XRN2: variants seen among roughly 807,000 people sequenced by gnomAD.
The protein encoded by XRN2 is 5'-3' exoribonuclease 2.
Under a neutral mutation model 138.5 loss-of-function variants are expected in XRN2, and 44 were observed. The ratio of observed to expected loss-of-function variants is 0.32; its 90% CI spans 0.25 to 0.41. The LOEUF is 0.41. XRN2 is among the 10% of genes least tolerant of loss of function. XRN2 has a pLI of 1.00. For missense variants in XRN2, 937 were observed against 1,169.3 expected (o/e 0.80, Z 2.90); for synonymous variants, 354 against 369.4 (o/e 0.96, Z 0.48).
chr20:21,366,139 CATAT>C (rs1442070848), intron 26 of XRN2, among the ~76,000 whole-genome samples: 2 of 64,848 alleles, frequency 3.1e-5, no homozygotes, highest in Non-Finnish European at 5.2e-5. Context: ...ATATATATAA[CATAT>C]ATAAATATAT....
chr20:21,355,901 A>G (rs940868577), intron 21 of XRN2, among the ~76,000 whole-genome samples, 179 bp from the exon 22 acceptor site: 3 of 152,182 alleles, frequency 2.0e-5, no homozygotes, highest in Non-Finnish European at 4.4e-5. Context: ...ACTTCTCCAC[A>G]GTACTATCAA....
At chr20:21,366,087 TATA>T (rs2038695777) in intron 26 of XRN2, among the ~76,000 whole-genome samples, 1 of 115,402 alleles carries the variant, frequency 8.7e-6, no homozygotes, top group Non-Finnish European at 1.7e-5. Context: ...ATTTATAGTT[TATA>T]TATATAACAT....
At chr20:21,335,049 C>T (rs1052236675) in intron 13 of XRN2, among the ~76,000 whole-genome samples, 12 of 152,076 alleles carry the variant, frequency 7.9e-5, no homozygotes, top group African/African-American at 1.7e-4. Flanking sequence ...TAGGGAACCA[C>T]GGACATTTAA....
At chr20:21,309,964 C>G (rs74819409) in intron 1 of XRN2, among the ~76,000 whole-genome samples, 1 of 152,002 alleles carries the variant, frequency 6.6e-6, no homozygotes, top group Non-Finnish European at 1.5e-5. Context: ...TGATTCTGCT[C>G]TTATATGTAT....
chr20:21,350,276 C>T (rs530105972), intron 20 of XRN2, among the ~76,000 whole-genome samples: 3 of 152,048 alleles, frequency 2.0e-5, no homozygotes, highest in Non-Finnish European at 1.5e-5. Context: ...CCTGTAATCC[C>T]AGCAATTTGG....
At chr20:21,341,988 A>G (rs1388672083) in intron 15 of XRN2, among the ~76,000 whole-genome samples, 2 of 152,142 alleles carry the variant, frequency 1.3e-5, no homozygotes, top group African/African-American at 2.4e-5. Flanking sequence ...AACATCTGCC[A>G]TAGGAGTAGT....
At position 21,333,905 on chromosome 20, in the gene XRN2, C is replaced by G. The variant is rs753953070; in HGVS notation, c.1068-32C>G. The G allele has an allele frequency of 3.7e-6, 6 of 1,614,028 alleles. No homozygotes were observed. In the South Asian group the frequency reaches 5.5e-5, roughly 15 times the overall value. The stretch of plus-strand genomic sequence containing the variant: ...TCTTGACTTTACTGTGCCTACTGGT[C>G]CTAATGCATAATGTTTGTCTCTTGC... On this transcript the variant is annotated intron_variant, in intron 11 of 29. Coordinates refer to ENST00000377191, the MANE Select transcript of XRN2 (RefSeq NM_012255.5).
chr20:21,359,517 T>C (rs1161092707), intron 24 of XRN2, among the ~76,000 whole-genome samples: 1 of 147,940 alleles, frequency 6.8e-6, no homozygotes, highest in Non-Finnish European at 1.5e-5. Context: ...AGAGCAAGAC[T>C]CCATCTCAAA....
intron 3 of XRN2, 95 bp from the exon 4 acceptor site, chr20:21,328,463 TG>T: frequency 8.8e-7 from 1 of 1,138,864 alleles, no homozygotes; most frequent in Non-Finnish European, 1.3e-6. Flanking sequence ...TCCATTTTAG[TG>T]TACTGCTTTT....
chr20:21,388,442 C>T (rs1358663085), intron 29 of XRN2, among the ~76,000 whole-genome samples: 2 of 152,212 alleles, frequency 1.3e-5, no homozygotes, highest in Non-Finnish European at 2.9e-5. Flanking sequence ...TATTAAATCA[C>T]AATTGTTGAA....
intron 26 of XRN2, among the ~76,000 whole-genome samples, chr20:21,366,429 C>T (rs374082055): frequency 4.6e-5 from 7 of 150,616 alleles, no homozygotes; most frequent in African/African-American, 1.2e-4. Context: ...AGGCGCCTGG[C>T]GCCTGTAGAC....
intron 24 of XRN2, among the ~76,000 whole-genome samples, chr20:21,363,173 C>CTTTG (rs1158507653): frequency 6.6e-6 from 1 of 152,192 alleles, no homozygotes. Context: ...CACACACATG[C>CTTTG]TTTGACTCAG....
At chr20:21,315,536 G>T (rs1217894553) in intron 1 of XRN2, among the ~76,000 whole-genome samples, 1 of 151,840 alleles carries the variant, frequency 6.6e-6, no homozygotes, top group Non-Finnish European at 1.5e-5. Context: ...CTTGTTACCC[G>T]GGCTGGAGGG....
intron 4 of XRN2, 24 bp from the exon 5 acceptor site, chr20:21,330,457 C>G: frequency 1.2e-6 from 2 of 1,611,184 alleles, no homozygotes; most frequent in Non-Finnish European, 1.7e-6. Context: ...ATGGGGAGAA[C>G]AAAACGTTGC....
intron 27 of XRN2, among the ~76,000 whole-genome samples, chr20:21,375,878 G>T (rs887328894): frequency 1.3e-5 from 2 of 149,716 alleles, no homozygotes; most frequent in Non-Finnish European, 3.0e-5. Flanking sequence ...TCTCTCTGTC[G>T]CCCAGGCTGG....
At chr20:21,369,811 C>T (rs1263467125) in intron 27 of XRN2, among the ~76,000 whole-genome samples, 3 of 152,094 alleles carry the variant, frequency 2.0e-5, no homozygotes, top group African/African-American at 7.2e-5. Context: ...TTCTCTCATT[C>T]CATGGGTTGT....
At chr20:21,363,322 GT>G (rs1348535784) in intron 24 of XRN2, among the ~76,000 whole-genome samples, 1 of 152,038 alleles carries the variant, frequency 6.6e-6, no homozygotes. Flanking sequence ...TATTCTAATA[GT>G]TTGGCAAAGT....
chr20:21,321,535 G>A (rs1482822184), intron 1 of XRN2, among the ~76,000 whole-genome samples: 1 of 151,898 alleles, frequency 6.6e-6, no homozygotes, highest in Non-Finnish European at 1.5e-5. Context: ...CCCCAGGCTG[G>A]CCTTGAACTC....
chr20:21,374,851 G>A (rs891621915), intron 27 of XRN2, among the ~76,000 whole-genome samples: 2 of 151,782 alleles, frequency 1.3e-5, no homozygotes, highest in South Asian at 2.1e-4. Context: ...ATGGGTTATC[G>A]TTAGATTGTC....
Sources: allele counts gnomAD v4.1 joint callset (sites outside exome capture counted in the v4.1 genomes callset), GRCh38; gene constraint gnomAD v4.1.1; transcripts MANE v1.5; gene names NCBI Gene and HGNC (gene_info 2026-07-23, HGNC 2026-07-21).